WDHD1: variants seen among roughly 807,000 people sequenced by gnomAD.
WDHD1 encodes the protein WD repeat and HMG-box DNA-binding protein 1.
In WDHD1, 111 loss-of-function variants were observed where a neutral mutation model predicts 135.4. That is an observed-to-expected ratio of 0.82 (90% confidence interval 0.70 to 0.96). The LOEUF is 0.96. Ranked by LOEUF, WDHD1 falls within the 40% of genes least tolerant of loss-of-function variation. The probability of loss-of-function intolerance (pLI) is 0.00; values close to 1 mark genes in which losing one functional copy is unlikely to be tolerated. For missense variants in WDHD1, 1,351 were observed against 1,336.3 expected, an observed-to-expected ratio of 1.01 and a Z score of -0.17; for synonymous variants, 434 against 439.0, an observed-to-expected ratio of 0.99 and a Z score of 0.14.
Position 54,949,608 on chromosome 14 carries a change from C to T in WDHD1, c.3051-5138G>A, listed in dbSNP as rs961402604. Among the ~76,000 whole-genome samples the T allele has an allele frequency of 4.6e-5, 7 of 152,132 alleles. No individual in the cohort carries two copies. In the East Asian group the frequency reaches 5.8e-4, roughly 13 times the overall value. On this transcript the variant is annotated intron_variant, in intron 24 of 25. Coordinates refer to ENST00000360586, the MANE Select transcript of WDHD1 (RefSeq NM_007086.4). ...ATACTATCCAGGAGAACTTCCCCAACCTAGCAAGGCAGGCCAACATTCAAA... is the reference window on the plus strand; with the variant it reads ...ATACTATCCAGGAGAACTTCCCCAATCTAGCAAGGCAGGCCAACATTCAAA...
Position 54,939,988 on chromosome 14 carries a change from T to TTTACAAA in WDHD1, c.*1501_*1502insTTTGTAA, listed in dbSNP as rs1176341912. 6.6e-6 allele frequency: 1 copy of TTTACAAA among 152,178 alleles called. No homozygotes were observed. The highest frequency in any genetic ancestry group is 2.4e-5 in the African/African-American group (1 of 41,438). 9.4% of individuals were successfully genotyped at this position (152,178 alleles called of 1,614,324 possible). A position where few individuals can be genotyped will look rare whatever the true frequency, so the allele number is the denominator to read the frequency against. On this transcript the variant is annotated 3_prime_UTR_variant, in exon 26 of 26. Coordinates refer to ENST00000360586, the MANE Select transcript of WDHD1 (RefSeq NM_007086.4). ...ACTATAAATAAACCTTTACTTAAGA[T>TTTACAAA]CTTGAAATCAAAATTAGTTTGTATA... is the stretch of plus-strand genomic sequence containing the variant.
rs999121556 is a variant in WDHD1 at position 54,955,619 on chromosome 14, T to C, written c.2992A>G (p.Lys998Glu). The C allele has an allele frequency of 6.3e-7, 1 of 1,594,952 alleles. No individual in the cohort carries two copies. The highest frequency in any genetic ancestry group is 8.5e-7 in the Non-Finnish European group (1 of 1,173,264). The change falls in exon 24 of 26, where the codon AAA becomes GAA. Residue 998 changes from lysine (K) to glutamate (E), a missense_variant. By Grantham distance (56) the Lys-to-Glu change is moderately conservative. Transcript: ENST00000360586. ...GCTGGGGTTTCAGATAATACATTTT[T>C]AAGATTTTCTTCTTTCACTTCCTCA... ...KTEEVKEENLKNVLSETPAIC... is the reference protein window; with the variant it reads ...KTEEVKEENLENVLSETPAIC...
intron 2 of WDHD1, among the ~76,000 whole-genome samples, chr14:55,021,157 C>T (rs985703375): frequency 6.6e-6 from 1 of 152,200 alleles, no homozygotes; most frequent in Non-Finnish European, 1.5e-5. Context: ...TGTTTCTATA[C>T]AGTACCAATC....
chr14:54,979,666 AATTT>A (rs1376264934), intron 16 of WDHD1, among the ~76,000 whole-genome samples: 1 of 152,210 alleles, frequency 6.6e-6, no homozygotes, highest in Non-Finnish European at 1.5e-5. Context: ...TTAAAAATTC[AATTT>A]ATTTAACTTT....
At chr14:55,010,088 G>C (rs1024158282) in intron 4 of WDHD1, among the ~76,000 whole-genome samples, 2 of 152,132 alleles carry the variant, frequency 1.3e-5, no homozygotes, top group Non-Finnish European at 1.5e-5. Flanking sequence ...CAAAGTGCTG[G>C]GATTACAGGC....
intron 16 of WDHD1, among the ~76,000 whole-genome samples, chr14:54,975,599 T>G (rs952376278): frequency 2.0e-5 from 3 of 152,222 alleles, no homozygotes; most frequent in African/African-American, 7.2e-5. Context: ...TCTGCCTGCC[T>G]TGCCCTCCCA....
chr14:54,970,397 A>G (rs1399056781), intron 16 of WDHD1, among the ~76,000 whole-genome samples: 2 of 152,212 alleles, frequency 1.3e-5, no homozygotes, highest in Non-Finnish European at 2.9e-5. Flanking sequence ...TCAAGTATGC[A>G]ATCCCATTTA....
intron 24 of WDHD1, among the ~76,000 whole-genome samples, chr14:54,949,232 G>T (rs565702534): frequency 6.6e-6 from 1 of 152,106 alleles, no homozygotes; most frequent in Non-Finnish European, 1.5e-5. Flanking sequence ...CGAACGCATC[G>T]CAAAGGAGCT....
rs770092016 is a variant in WDHD1 at position 54,962,986 on chromosome 14, C to G, written c.2497G>C (p.Glu833Gln). The stretch of plus-strand genomic sequence containing the variant: ...AGCTTTTTTCTGAAATCTTCTTCTT[C>G]TTCTTCCTCTTCCACCTGGGTTGCT... ...LTATQVEEEE[E>Q]EEDFRKKLNA... Residue 833 changes from glutamate (E) to glutamine (Q), a missense_variant, in exon 19 of 26, where the codon GAA (glutamate) becomes CAA (glutamine). Physicochemically the swap from Glu to Gln is conservative, Grantham distance 29 (BLOSUM62 2). Transcript: ENST00000360586. 1.9e-6 allele frequency: 3 copies of G among 1,613,664 alleles called. No individual in the cohort carries two copies. The highest frequency in any genetic ancestry group is 2.2e-5 in the South Asian group (2 of 91,064).
rs534420855 is a variant in WDHD1, at chr14:54,991,346, C to T, written c.1208G>A (p.Gly403Asp). ...SSLLKEEEED[G>D]QEGSIHNLPL... ...TAGATTGTGAATGCTGCCTTCTTGACCATCTTCCTCCTCCTCTTTGAGAAG... is the reference window on the plus strand; with the variant it reads ...TAGATTGTGAATGCTGCCTTCTTGATCATCTTCCTCCTCCTCTTTGAGAAG... The change falls in exon 12 of 26, where the codon GGT becomes GAT. Residue 403 changes from glycine to aspartate, a missense_variant. Physicochemically the swap from Gly to Asp is moderately conservative, Grantham distance 94. Coordinates refer to ENST00000360586, the MANE Select transcript of WDHD1 (RefSeq NM_007086.4). 1 of 1,614,124 alleles carries T rather than the reference C, an allele frequency of 6.2e-7. No individual in the cohort carries two copies. Among genetic ancestry groups the T allele is most frequent in the African/African-American group, 1.3e-5 (1 of 75,044 alleles).
chr14:54,981,660 C>A lies in WDHD1; in HGVS notation c.1943G>T (p.Arg648Leu), dbSNP rs372886136. 1 of 1,611,082 alleles carries A rather than the reference C, an allele frequency of 6.2e-7. No individual in the cohort carries two copies. Among genetic ancestry groups the A allele is most frequent in the African/African-American group, 1.3e-5 (1 of 74,822 alleles). ...PCYVDSEGIVRMLNRGLGNTW... is the reference protein window; with the variant it reads ...PCYVDSEGIVLMLNRGLGNTW... ...ATTACCAAGTCCTCTGTTAAGCATT[C>A]GAACAATTCCTTCTGAATCCACGTA... Residue 648 changes from arginine (R) to leucine (L), a missense_variant, in exon 16 of 26, where the codon CGA becomes CTA. By Grantham distance (102) the Arg-to-Leu change is moderately radical (BLOSUM62 -2). Coordinates refer to ENST00000360586, the MANE Select transcript of WDHD1 (RefSeq NM_007086.4).
At chr14:55,014,511 G>A (rs1156852409) in intron 2 of WDHD1, among the ~76,000 whole-genome samples, 2 of 152,200 alleles carry the variant, frequency 1.3e-5, no homozygotes, top group Non-Finnish European at 2.9e-5. Flanking sequence ...GTCTCTGACA[G>A]AAACCTTAAT....
chr14:55,005,754 A>G (rs1237656418), intron 7 of WDHD1: 1 of 381,998 alleles, frequency 2.6e-6, no homozygotes, highest in Non-Finnish European at 4.9e-6. Context: ...TTCTCTGGGT[A>G]GTGCAGAAAG....
chr14:54,957,934 T>C (rs1350070635), intron 21 of WDHD1, among the ~76,000 whole-genome samples: 1 of 152,176 alleles, frequency 6.6e-6, no homozygotes, highest in Non-Finnish European at 1.5e-5. Flanking sequence ...ATCCCTTTAC[T>C]TGTGTTCTGC....
intron 2 of WDHD1, among the ~76,000 whole-genome samples, chr14:55,016,991 G>A (rs1200789166): frequency 6.6e-6 from 1 of 152,130 alleles, no homozygotes; most frequent in Non-Finnish European, 1.5e-5. Flanking sequence ...ATGTCATCAG[G>A]AGTTTTAAAT....
chr14:54,980,809 A>T (rs2041606097), intron 16 of WDHD1, among the ~76,000 whole-genome samples: 1 of 150,128 alleles, frequency 6.7e-6, no homozygotes, highest in African/African-American at 2.4e-5. Context: ...ACATAAAAAA[A>T]AAAAAAAAAA....
rs917839421 is a variant in WDHD1 at position 54,939,853 on chromosome 14, A to G, written c.*1637T>C. On this transcript the variant is annotated 3_prime_UTR_variant, in exon 26 of 26. Transcript: ENST00000360586. ...AAGAAATCGCGGTTTTTGCCACTGA[A>G]ATGGCGAAACTGCATTTACTTTTAT... 5.9e-5 allele frequency: 9 copies of G among 152,230 alleles called. No individual in the cohort carries two copies. Among genetic ancestry groups the G allele is most frequent in the African/African-American group, 2.2e-4 (9 of 41,466 alleles). The allele number at this position is 152,230 out of a possible 1,614,324, so 9.4% of individuals were successfully genotyped here. A position where few individuals can be genotyped will look rare whatever the true frequency, so the allele number is the denominator to read the frequency against.
rs1555368940 is a variant in WDHD1, at chr14:54,980,802, T to TTAAA, written c.2063+737_2063+738insTTTA. Among the ~76,000 whole-genome samples the TTAAA allele has an allele frequency of 3.6e-4, 30 of 83,622 alleles. 5 individuals are homozygous for TTAAA. The highest frequency in any genetic ancestry group is 1.2e-3 in the South Asian group (3 of 2,552). 54.9% of individuals were successfully genotyped at this position (83,622 alleles called of 152,430 possible). A position where few individuals can be genotyped will look rare whatever the true frequency, so the allele number is the denominator to read the frequency against. ...CTGGGTGACAGAGTGAGACTCCACA[T>TTAAA]AAAAAAAAAAAAAAAAAAAAAAACT... On this transcript the variant is annotated intron_variant, in intron 16 of 25. Coordinates refer to ENST00000360586, the MANE Select transcript of WDHD1 (RefSeq NM_007086.4).
chr14:55,007,383 G>C lies in WDHD1; in HGVS notation c.505-8C>G. The C allele has an allele frequency of 6.4e-7, 1 of 1,560,146 alleles. No individual in the cohort carries two copies. The highest frequency in any genetic ancestry group is 8.7e-7 in the Non-Finnish European group (1 of 1,155,610). ...CCAACTAATAGCACATGTCTAATTG[G>C]TAAAAAAAGAAAATTTCTTTCCTTT... On this transcript the variant is annotated splice_polypyrimidine_tract_variant and splice_region_variant and intron_variant, in intron 6 of 25. Transcript: ENST00000360586.
Sources: allele counts gnomAD v4.1 joint callset (sites outside exome capture counted in the v4.1 genomes callset), GRCh38; gene constraint gnomAD v4.1.1; transcripts MANE v1.5; gene names NCBI Gene and HGNC (gene_info 2026-07-23, HGNC 2026-07-21).